Variants in SCUBE1 observed in about 807,000 individuals in gnomAD.
SCUBE1 encodes the protein signal peptide, CUB and EGF-like domain-containing protein 1.
SCUBE1 carries 59 observed loss-of-function variants against 124.4 expected under a neutral mutation model. The ratio of observed to expected loss-of-function variants is 0.47; its 90% CI spans 0.38 to 0.59. The LOEUF (loss-of-function observed/expected upper bound fraction) is 0.59. Among genes scored for constraint, SCUBE1 ranks in the 20% least tolerant of loss-of-function variants. The probability of loss-of-function intolerance (pLI) is 0.00; values close to 1 mark genes in which losing one functional copy is unlikely to be tolerated. For missense variants in SCUBE1, 1,150 were observed against 1,371.2 expected (o/e 0.84, Z 2.55); for synonymous variants, 545 against 550.9 (o/e 0.99, Z 0.15).
At position 43,246,812 on chromosome 22, in the gene SCUBE1, G is replaced by T. The variant is rs1041253397; in HGVS notation, c.728-7858C>A. Among the ~76,000 whole-genome samples the T allele has an allele frequency of 2.6e-5, 4 of 152,320 alleles. No homozygotes were observed. In the South Asian group the frequency reaches 8.3e-4, roughly 32 times the overall value. The stretch of plus-strand genomic sequence containing the variant: ...AGGCAGTGCCCACCTCTGCTTTCAG[G>T]TGGGCCTCCGGCAGTGATGTGCTCC... On this transcript the variant is annotated intron_variant, in intron 6 of 21. Coordinates refer to ENST00000360835, the MANE Select transcript of SCUBE1 (RefSeq NM_173050.5).
Position 43,197,530 on chromosome 22 carries a change from A to T in SCUBE1, c.*6467T>A, listed in dbSNP as rs1462667301. The T allele has an allele frequency of 2.0e-5, 3 of 152,318 alleles. No individual in the cohort carries two copies. Among genetic ancestry groups the T allele is most frequent in the African/African-American group, 7.2e-5 (3 of 41,466 alleles). 9.4% of individuals were successfully genotyped at this position (152,318 alleles called of 1,614,324 possible). A position where few individuals can be genotyped will look rare whatever the true frequency, so the allele number is the denominator to read the frequency against. Reference sequence around the variant, plus strand: ...CGCCCTGGTGTCCTGTTCCCCGAGCAATGTGGCCTGCGTCTGCTCGGCATG... The same window carrying T: ...CGCCCTGGTGTCCTGTTCCCCGAGCTATGTGGCCTGCGTCTGCTCGGCATG... On this transcript the variant is annotated 3_prime_UTR_variant, in exon 22 of 22. Coordinates refer to ENST00000360835, the MANE Select transcript of SCUBE1 (RefSeq NM_173050.5).
chr22:43,295,973 C>CTCGT (rs1177984071), intron 3 of SCUBE1, among the ~76,000 whole-genome samples: 1 of 144,100 alleles, frequency 6.9e-6, no homozygotes, highest in African/African-American at 2.7e-5. Context: ...AAAGCAAAGG[C>CTCGT]TCATGGAAGG....
intron 17 of SCUBE1, among the ~76,000 whole-genome samples, chr22:43,212,162 G>A (rs1306949716): frequency 5.3e-5 from 8 of 151,908 alleles, no homozygotes; most frequent in African/African-American, 1.9e-4. Context: ...GCTGCTCAAG[G>A]CCTCCTGTCC....
rs1442447462 is a variant in SCUBE1, at chr22:43,204,081, G to C, written c.2883C>G (p.Ala961=). The C allele has an allele frequency of 3.7e-6, 6 of 1,613,946 alleles. No individual in the cohort carries two copies. The highest frequency in any genetic ancestry group is 5.1e-6 in the Non-Finnish European group (6 of 1,179,998). ...AHPQNYFKYT[A]QESKEMFPRS... ...GTGGGAACATCTCCTTGGATTCCTG[G>C]GCTGTGTACTTGAAGTAGTTCTGGG... is the stretch of plus-strand genomic sequence containing the variant. Residue 961 remains alanine (A), a synonymous_variant, in exon 22 of 22, where the codon GCC becomes GCG. Coordinates refer to ENST00000360835, the MANE Select transcript of SCUBE1 (RefSeq NM_173050.5).
intron 3 of SCUBE1, among the ~76,000 whole-genome samples, chr22:43,304,721 C>A (rs1925902425): frequency 6.6e-6 from 1 of 152,110 alleles, no homozygotes; most frequent in African/African-American, 2.4e-5. Context: ...TGCTCCCTGG[C>A]CGAGCCCTTC....
chr22:43,251,771 G>A (rs994189107), intron 6 of SCUBE1, among the ~76,000 whole-genome samples: 3 of 152,218 alleles, frequency 2.0e-5, no homozygotes, highest in African/African-American at 4.8e-5. Context: ...GATAATAAAC[G>A]TGCGTCGTCT....
chr22:43,206,759 C>T (rs1921304103), intron 21 of SCUBE1, among the ~76,000 whole-genome samples: 1 of 152,102 alleles, frequency 6.6e-6, no homozygotes, highest in South Asian at 2.1e-4. Flanking sequence ...CAGGATGCTT[C>T]CAGTTTGGGA....
chr22:43,247,205 T>C (rs1025944868), intron 6 of SCUBE1, among the ~76,000 whole-genome samples: 4 of 152,214 alleles, frequency 2.6e-5, no homozygotes, highest in African/African-American at 9.6e-5. Flanking sequence ...GCTGAGCACC[T>C]GCTACGGGCC....
intron 2 of SCUBE1, among the ~76,000 whole-genome samples, chr22:43,327,602 C>T (rs1424011334): frequency 1.3e-5 from 2 of 152,042 alleles, no homozygotes; most frequent in Admixed American, 1.3e-4. Flanking sequence ...GCCTGGCCAA[C>T]ATGTGAAACC....
intron 14 of SCUBE1, among the ~76,000 whole-genome samples, 169 bp downstream of exon 14, chr22:43,220,281 T>A (rs1263651990): frequency 6.6e-6 from 1 of 152,150 alleles, no homozygotes; most frequent in African/African-American, 2.4e-5. Context: ...CCCTGCCAGC[T>A]CCCTTTGCTT....
chr22:43,261,019 T>C (rs992574373), intron 5 of SCUBE1, among the ~76,000 whole-genome samples: 7 of 152,250 alleles, frequency 4.6e-5, no homozygotes, highest in Non-Finnish European at 7.3e-5. Context: ...CAAGGCCCAG[T>C]TGGAGCAGGC....
chr22:43,334,054 G>C (rs1193421169), intron 2 of SCUBE1, among the ~76,000 whole-genome samples: 1 of 152,100 alleles, frequency 6.6e-6, no homozygotes, highest in East Asian at 1.9e-4. Context: ...GCAGGACAGG[G>C]GGCTCACTGC....
rs1235500128 is a variant in SCUBE1, at chr22:43,320,030, C to A, written c.256G>T (p.Gly86Cys). Residue 86 changes from glycine to cysteine, a missense_variant, in exon 3 of 22, where the codon GGC becomes TGC. Transcript: ENST00000360835. ...DECENDYYNG[G>C]CVHECINIPG... ...ATGTTGATGCACTCGTGGACACAGC[C>A]CCCATTGTAGTAGTCATTCTCACAC... 3 of 1,614,080 alleles carry A rather than the reference C, an allele frequency of 1.9e-6. No individual in the cohort carries two copies. Among genetic ancestry groups the A allele is most frequent in the Non-Finnish European group, 2.5e-6 (3 of 1,179,994 alleles).
chr22:43,242,562 T>C (rs1923048000), intron 6 of SCUBE1, among the ~76,000 whole-genome samples: 1 of 152,202 alleles, frequency 6.6e-6, no homozygotes, highest in South Asian at 2.1e-4. Flanking sequence ...CTCTGCCCCC[T>C]ACCAGGGGCT....
At chr22:43,325,870 A>G (rs1926710706) in intron 2 of SCUBE1, among the ~76,000 whole-genome samples, 1 of 151,970 alleles carries the variant, frequency 6.6e-6, no homozygotes, top group African/African-American at 2.4e-5. Flanking sequence ...GTGCGCACAC[A>G]CAACCCCATG....
At chr22:43,220,343 T>C (rs765101656) in intron 14 of SCUBE1, 107 bp downstream of exon 14, 127 of 1,274,306 alleles carry the variant, frequency 1.0e-4, no homozygotes, top group Non-Finnish European at 1.1e-4. Flanking sequence ...GCCACAGCTG[T>C]GCTCTGGTGG....
In SCUBE1 at chr22:43,255,841, A is replaced by T. The variant is rs116714809; in HGVS notation, c.727+2378T>A. On this transcript the variant is annotated intron_variant, in intron 6 of 21. Coordinates refer to ENST00000360835, the MANE Select transcript of SCUBE1 (RefSeq NM_173050.5). The surrounding 1 kb of genome is among the most constrained non-coding windows in gnomAD (Gnocchi z 4.7). ...CAAAGTGACCTGGGACACAGAGGGG[A>T]CTCAGGGCCCATGGGCAAGCAAACA... Among the ~76,000 whole-genome samples, 2,050 of 152,156 alleles carry T rather than the reference A, an allele frequency of 0.013. 47 individuals carry two copies. Among genetic ancestry groups the T allele is most frequent in the African/African-American group, 0.046 (1,929 of 41,488 alleles).
intron 7 of SCUBE1, among the ~76,000 whole-genome samples, chr22:43,235,072 C>T (rs1234106283): frequency 1.3e-5 from 2 of 152,192 alleles, no homozygotes; most frequent in Admixed American, 6.5e-5. Flanking sequence ...CCTTGGGACA[C>T]AGACTTGGGG....
chr22:43,251,398 A>G (rs1347705749), intron 6 of SCUBE1, among the ~76,000 whole-genome samples: 1 of 152,196 alleles, frequency 6.6e-6, no homozygotes, highest in Non-Finnish European at 1.5e-5. Flanking sequence ...AAATGCCCAC[A>G]TCCTAATCCC....
Sources: gnomAD v4.1 joint callset for allele counts (sites outside exome capture counted in the v4.1 genomes callset) on GRCh38, gnomAD v4.1.1 for gene constraint, Gnocchi (gnomAD v3.1) non-coding constraint, MANE v1.5 for transcripts, NCBI Gene and HGNC (gene_info 2026-07-23, HGNC 2026-07-21) for gene names.